The following MAGI2 variants were observed in gnomAD, a reference collection of about 807,000 sequenced individuals.
The protein encoded by MAGI2 is membrane associated guanylate kinase, WW and PDZ domain containing 2, also known as membrane-associated guanylate kinase, WW and PDZ domain-containing protein 2.
Under a neutral mutation model 133.3 loss-of-function variants are expected in MAGI2, and 35 were observed. The observed-to-expected ratio is 0.26, with a 90% CI of 0.20 to 0.35. The LOEUF is 0.35. MAGI2 is among the 10% of genes least tolerant of loss of function. MAGI2 has a pLI of 1.00. For missense variants in MAGI2, 1,636 were observed against 1,863.4 expected (o/e 0.88, Z 2.25); for synonymous variants, 729 against 710.6 (o/e 1.03, Z -0.41).
intron 21 of MAGI2, among the ~76,000 whole-genome samples, chr7:78,075,567 G>A (rs910094518): frequency 7.9e-5 from 12 of 151,808 alleles, no homozygotes; most frequent in Admixed American, 2.0e-4. Context: ...TAGTAGAGAC[G>A]GGGTTTCACC....
intron 2 of MAGI2, among the ~76,000 whole-genome samples, chr7:78,989,675 T>C (rs926283802): frequency 3.9e-5 from 6 of 152,060 alleles, no homozygotes; most frequent in Non-Finnish European, 7.4e-5. Context: ...CTGTTTTGCC[T>C]GCATGCCAAA....
chr7:79,343,199 T>C (rs1435594489), intron 1 of MAGI2: 4 of 152,188 alleles, frequency 2.6e-5, no homozygotes, highest in African/African-American at 9.6e-5. Flanking sequence ...ACAGTCTAAG[T>C]AATAAACATA....
At chr7:79,446,918 C>T (rs1848894324) in intron 1 of MAGI2, among the ~76,000 whole-genome samples, 1 of 152,064 alleles carries the variant, frequency 6.6e-6, no homozygotes, top group Non-Finnish European at 1.5e-5. Context: ...CGCCACTGCA[C>T]TCCAGCCTGG....
rs553034272 is a variant in MAGI2 at position 78,174,781 on chromosome 7, C to T, written c.2403+3230G>A. Among the ~76,000 whole-genome samples the T allele has an allele frequency of 5.9e-5, 9 of 152,302 alleles. No homozygotes were observed. The East Asian group carries it at 1.5e-3, about 26-fold the overall frequency. On this transcript the variant is annotated intron_variant, in intron 14 of 21. Transcript: ENST00000354212. ...GTAATTAGAGGGTTGTGTCTTTGAG[C>T]CACATGATATCAGCCTGGCCTCTGA...
rs143809335 is a variant in MAGI2, at chr7:78,089,223, T to C, written c.3568-10138A>G. 1.8e-4 allele frequency among the ~76,000 whole-genome samples: 28 copies of C among 152,364 alleles called. No homozygotes were observed. The East Asian group carries it at 5.4e-3, about 29-fold the overall frequency. On this transcript the variant is annotated intron_variant, in intron 20 of 21. Transcript: ENST00000354212. ...TATTACAGCAGGAATAGAGAACTAA[T>C]GTACTTTCTCTCTTTCTGCCCTCTG...
At chr7:78,627,751 A>G (rs1808525548) in intron 2 of MAGI2, among the ~76,000 whole-genome samples, 1 of 152,186 alleles carries the variant, frequency 6.6e-6, no homozygotes, top group Non-Finnish European at 1.5e-5. Context: ...TTGCACCCAG[A>G]GCCATTTTTA....
At chr7:78,272,976 T>C (rs531223056) in intron 9 of MAGI2, among the ~76,000 whole-genome samples, 1 of 152,336 alleles carries the variant, frequency 6.6e-6, no homozygotes, top group African/African-American at 2.4e-5. Flanking sequence ...AATTTGATCC[T>C]GTCATTATGA....
chr7:78,882,086 C>CAAAAAAAAAAA, intron 2 of MAGI2, among the ~76,000 whole-genome samples: 14 of 12,464 alleles, frequency 1.1e-3, no homozygotes, highest in African/African-American at 1.7e-3. Context: ...ACAACAACAA[C>CAAAAAAAAAAA]AAAAAAAAAA....
At chr7:78,720,861 A>G (rs73150767) in intron 2 of MAGI2, among the ~76,000 whole-genome samples, 6,810 of 152,222 alleles carry the variant, frequency 0.045, 232 homozygotes, top group Non-Finnish European at 0.069. Flanking sequence ...GTGGTTCCAC[A>G]AAGGATATAA....
chr7:78,607,879 G>T (rs1004390274), intron 3 of MAGI2, among the ~76,000 whole-genome samples: 1 of 152,014 alleles, frequency 6.6e-6, no homozygotes, highest in Non-Finnish European at 1.5e-5. Flanking sequence ...CACTCTTCTG[G>T]CTCAGCTTGG....
chr7:78,428,943 A>C (rs1398678809), intron 6 of MAGI2, among the ~76,000 whole-genome samples: 1 of 152,174 alleles, frequency 6.6e-6, no homozygotes, highest in Non-Finnish European at 1.5e-5. Flanking sequence ...CTGTATACAC[A>C]TTTACCATAT....
chr7:79,290,248 C>T (rs1253671387), intron 1 of MAGI2, among the ~76,000 whole-genome samples: 1 of 151,882 alleles, frequency 6.6e-6, no homozygotes, highest in Non-Finnish European at 1.5e-5. Context: ...ATTCTCGTAC[C>T]ACCTCAAAAG....
intron 1 of MAGI2, among the ~76,000 whole-genome samples, chr7:79,207,068 C>T (rs559737734): frequency 5.6e-4 from 85 of 151,786 alleles, no homozygotes; most frequent in Admixed American, 2.5e-3. Context: ...TTCTATAGTC[C>T]GTAACACAAT....
chr7:79,186,221 TATATATATATATATATA>T (rs1827102373), intron 1 of MAGI2, among the ~76,000 whole-genome samples: 5 of 113,118 alleles, frequency 4.4e-5, no homozygotes, highest in African/African-American at 1.5e-4. Flanking sequence ...TATATATATA[TATATATATATATATATA>T]TATATTTATA....
In MAGI2 at chr7:78,552,176, CTTTTTTTTTTTT is replaced by C. The variant is rs869196799; in HGVS notation, c.539-30543_539-30532del. On this transcript the variant is annotated intron_variant, in intron 3 of 21. Coordinates refer to ENST00000354212, the MANE Select transcript of MAGI2 (RefSeq NM_012301.4). ...GACTTTTAGGTAGACATTTGTTTTC[CTTTTTTTTTTTT>C]TTTTTTTTTTTTGAGACAGAGTTTA... 4.9e-4 allele frequency among the ~76,000 whole-genome samples: 44 copies of C among 90,350 alleles called. 1 individual carries two copies. The Admixed American group carries it at 5.9e-3, about 12-fold the overall frequency. 59.3% of individuals were successfully genotyped at this position (90,350 alleles called of 152,430 possible). A position where few individuals can be genotyped will look rare whatever the true frequency, so the allele number is the denominator to read the frequency against.
intron 1 of MAGI2, chr7:79,030,420 A>G (rs1312077093): frequency 1.3e-5 from 2 of 152,156 alleles, no homozygotes; most frequent in Non-Finnish European, 2.9e-5. Context: ...CACAGATTAG[A>G]TTTTGGGACA....
intron 16 of MAGI2, among the ~76,000 whole-genome samples, chr7:78,138,625 T>TCACACACACA (rs202115434): frequency 5.8e-4 from 75 of 129,480 alleles, no homozygotes; most frequent in South Asian, 2.2e-3. Flanking sequence ...AAACATAGAT[T>TCACACACACA]CACACACACA....
intron 15 of MAGI2, among the ~76,000 whole-genome samples, chr7:78,161,621 G>A (rs1452243919): frequency 1.4e-5 from 2 of 138,336 alleles, no homozygotes; most frequent in African/African-American, 5.4e-5. Context: ...AAAAAGTCAG[G>A]GAGAAAAAAC....
rs1291722582 is a variant in MAGI2, at chr7:78,944,738, T to TTTATTTATTTAC, written c.418+62351_418+62352insGTAAATAAATAA. On this transcript the variant is annotated intron_variant, in intron 2 of 21. Transcript: ENST00000354212. ...ATTTATTTATTTATTTATTTATTTA[T>TTTATTTATTTAC]TTACTTATTTATTTATGAGACAGGG... is the stretch of plus-strand genomic sequence containing the variant. 3.8e-3 allele frequency among the ~76,000 whole-genome samples: 399 copies of TTTATTTATTTAC among 105,822 alleles called. 2 individuals carry two copies. Among genetic ancestry groups the TTTATTTATTTAC allele is most frequent in the African/African-American group, 9.5e-3 (331 of 34,704 alleles). The allele number at this position is 105,822 out of a possible 152,430, so 69.4% of individuals were successfully genotyped here. A position where few individuals can be genotyped will look rare whatever the true frequency, so the allele number is the denominator to read the frequency against.
Sources: gnomAD v4.1 joint callset for allele counts (sites outside exome capture counted in the v4.1 genomes callset) on GRCh38, gnomAD v4.1.1 for gene constraint, MANE v1.5 for transcripts, NCBI Gene and HGNC (gene_info 2026-07-23, HGNC 2026-07-21) for gene names.